The following ADGRB3 variants were observed in gnomAD, a reference collection of about 807,000 sequenced individuals.
ADGRB3 encodes the protein brain-specific angiogenesis inhibitor 3.
ADGRB3 carries 37 observed loss-of-function variants against 193.4 expected under a neutral mutation model. The observed-to-expected ratio is 0.19, with a 90% CI of 0.15 to 0.25. ADGRB3 has a LOEUF of 0.25. Among genes scored for constraint, ADGRB3 ranks in the 10% least tolerant of loss-of-function variants. The probability of loss-of-function intolerance (pLI) is 1.00; values close to 1 mark genes in which losing one functional copy is unlikely to be tolerated. For synonymous variants in ADGRB3, 690 were observed against 644.2 expected, an observed-to-expected ratio of 1.07 and a Z score of -1.08; for missense variants, 1,637 against 1,852.9, an observed-to-expected ratio of 0.88 and a Z score of 2.14.
chr6:69,210,148 T>TAATATATATATATATATATATA (rs1561953521), intron 17 of ADGRB3, among the ~76,000 whole-genome samples: 3 of 39,076 alleles, frequency 7.7e-5, no homozygotes, highest in Non-Finnish European at 1.5e-4. Context: ...TTAATATATA[T>TAATATATATATATATATATATA]CATATATATA....
intron 17 of ADGRB3, among the ~76,000 whole-genome samples, chr6:69,100,221 A>G (rs573865557): frequency 5.3e-5 from 8 of 152,302 alleles, no homozygotes; most frequent in African/African-American, 1.9e-4. Context: ...GTCTACATCT[A>G]TAACTTTTAA....
intron 17 of ADGRB3, among the ~76,000 whole-genome samples, chr6:69,085,351 C>A (rs1382418080): frequency 6.6e-6 from 1 of 152,034 alleles, no homozygotes; most frequent in East Asian, 1.9e-4. Context: ...GAGACCTTTA[C>A]ACAAGAATTT....
intron 28 of ADGRB3, among the ~76,000 whole-genome samples, chr6:69,358,260 G>A (rs1185367410): frequency 2.0e-5 from 3 of 151,834 alleles, no homozygotes; most frequent in Non-Finnish European, 4.4e-5. Context: ...CCTAACCCAG[G>A]CCTTTGGGGT....
intron 3 of ADGRB3, among the ~76,000 whole-genome samples, chr6:68,769,188 G>C (rs1248101701): frequency 6.6e-6 from 1 of 152,092 alleles, no homozygotes; most frequent in Non-Finnish European, 1.5e-5. Context: ...CCCATCACTG[G>C]GTATGCACCC....
chr6:69,147,894 T>C (rs1774550172), intron 17 of ADGRB3, among the ~76,000 whole-genome samples: 1 of 152,238 alleles, frequency 6.6e-6, no homozygotes, highest in Non-Finnish European at 1.5e-5. Context: ...TATTATATAA[T>C]GACCTTCTTT....
chr6:69,148,805 T>C (rs1774579469), intron 17 of ADGRB3, among the ~76,000 whole-genome samples: 1 of 152,204 alleles, frequency 6.6e-6, no homozygotes, highest in Non-Finnish European at 1.5e-5. Context: ...TTACCAGATA[T>C]GCTATTATAG....
At chr6:68,835,752 A>T (rs905846147) in intron 3 of ADGRB3, among the ~76,000 whole-genome samples, 1 of 151,876 alleles carries the variant, frequency 6.6e-6, no homozygotes, top group Non-Finnish European at 1.5e-5. Flanking sequence ...TCTGTTATGG[A>T]TTCTTCAACT....
chr6:68,802,813 A>G (rs533887862), intron 3 of ADGRB3, among the ~76,000 whole-genome samples: 3 of 152,142 alleles, frequency 2.0e-5, no homozygotes, highest in Admixed American at 6.5e-5. Context: ...CACCAATCCA[A>G]TCTTGGTTTT....
At chr6:68,906,793 A>T (rs938182446) in intron 3 of ADGRB3, among the ~76,000 whole-genome samples, 2 of 152,058 alleles carry the variant, frequency 1.3e-5, no homozygotes, top group Middle Eastern at 3.4e-3. Flanking sequence ...CTTTGCTGCA[A>T]ATATTTTTCC....
chr6:68,930,708 A>T, intron 4 of ADGRB3, 39 bp downstream of exon 4: 1 of 1,395,512 alleles, frequency 7.2e-7, no homozygotes, highest in Non-Finnish European at 1.0e-6. Flanking sequence ...ATTGTTGTTA[A>T]TTTAATGAAA....
intron 26 of ADGRB3, among the ~76,000 whole-genome samples, chr6:69,347,022 G>A (rs919503969): frequency 2.8e-4 from 43 of 152,238 alleles, no homozygotes; most frequent in Non-Finnish European, 5.0e-4. Context: ...GGAATACTAC[G>A]CAGCCATAAA....
chr6:69,235,460 A>C (rs1006115171), intron 19 of ADGRB3, among the ~76,000 whole-genome samples: 1 of 152,050 alleles, frequency 6.6e-6, no homozygotes, highest in Non-Finnish European at 1.5e-5. Flanking sequence ...GTTTCTATTT[A>C]TCCCAATTGC....
intron 27 of ADGRB3, among the ~76,000 whole-genome samples, chr6:69,354,971 C>T (rs1480511012): frequency 6.6e-6 from 1 of 152,116 alleles, no homozygotes; most frequent in Non-Finnish European, 1.5e-5. Flanking sequence ...TTAAATAGGA[C>T]AGTTTTACTT....
intron 30 of ADGRB3, among the ~76,000 whole-genome samples, chr6:69,376,844 T>C (rs1769835084): frequency 6.6e-6 from 1 of 152,056 alleles, no homozygotes; most frequent in Non-Finnish European, 1.5e-5. Flanking sequence ...TCTTTTTTTA[T>C]ATTACTAAAT....
intron 20 of ADGRB3, among the ~76,000 whole-genome samples, chr6:69,253,988 C>G (rs1766688588): frequency 6.6e-6 from 1 of 152,058 alleles, no homozygotes; most frequent in Non-Finnish European, 1.5e-5. Context: ...CAGCAATATT[C>G]CCTTCCAGGC....
intron 3 of ADGRB3, among the ~76,000 whole-genome samples, chr6:68,842,234 A>G (rs540947194): frequency 1.3e-5 from 2 of 152,098 alleles, no homozygotes; most frequent in Admixed American, 6.5e-5. Flanking sequence ...AATGAACCAA[A>G]AAGTGAGTTC....
chr6:68,929,099 G>A (rs1452690537), intron 3 of ADGRB3, among the ~76,000 whole-genome samples: 1 of 152,072 alleles, frequency 6.6e-6, no homozygotes, highest in Non-Finnish European at 1.5e-5. Flanking sequence ...GGATGTTGGC[G>A]GTAATGGAAA....
intron 15 of ADGRB3, among the ~76,000 whole-genome samples, chr6:69,053,374 T>A (rs1771455274): frequency 1.3e-5 from 2 of 152,222 alleles, no homozygotes; most frequent in African/African-American, 4.8e-5. Context: ...ACCAGGACTC[T>A]TCTACTATAT....
chr6:68,868,940 TGAGTGTGTGTG>T (rs1765383991), intron 3 of ADGRB3, among the ~76,000 whole-genome samples: 1 of 150,414 alleles, frequency 6.6e-6, no homozygotes, highest in South Asian at 2.1e-4. Flanking sequence ...TGTGTGTGTG[TGAGTGTGTGTG>T]TTTAAACTTA....
Sources: allele counts gnomAD v4.1 joint callset (sites outside exome capture counted in the v4.1 genomes callset), GRCh38; gene constraint gnomAD v4.1.1; transcripts MANE v1.5; gene names NCBI Gene and HGNC (gene_info 2026-07-23, HGNC 2026-07-21).